PCDH9: variants seen among roughly 807,000 people sequenced by gnomAD.
PCDH9 encodes protocadherin-9.
In PCDH9, 24 loss-of-function variants were observed where a neutral mutation model predicts 70.6. The observed-to-expected ratio is 0.34, with a 90% CI of 0.25 to 0.48. The LOEUF (loss-of-function observed/expected upper bound fraction) is 0.48, where lower values mean the gene tolerates loss of function less well. Ranked by LOEUF, PCDH9 falls within the 20% of genes least tolerant of loss-of-function variation. The pLI is 0.99. For missense variants in PCDH9, 1,281 were observed against 1,503.6 expected (o/e 0.85, Z 2.45); for synonymous variants, 562 against 558.5 (o/e 1.01, Z -0.09).
chr13:66,822,129 C>G (rs1213708032), intron 3 of PCDH9, among the ~76,000 whole-genome samples: 2 of 40,040 alleles, frequency 5.0e-5, no homozygotes, highest in African/African-American at 7.8e-5. Context: ...TGACCCATCA[C>G]ACACGCGCAC....
chr13:66,895,503 T>C (rs2082162939), intron 3 of PCDH9, among the ~76,000 whole-genome samples: 1 of 152,232 alleles, frequency 6.6e-6, no homozygotes, highest in Non-Finnish European at 1.5e-5. Flanking sequence ...TTCATGACCA[T>C]GTTCTCTGCA....
intron 4 of PCDH9, among the ~76,000 whole-genome samples, chr13:66,454,463 A>G (rs1387337485): frequency 2.0e-5 from 3 of 152,172 alleles, no homozygotes; most frequent in South Asian, 2.1e-4. Flanking sequence ...CTCTCCAATC[A>G]TAGGGAATAT....
At chr13:66,669,852 G>A (rs527688953) in intron 3 of PCDH9, among the ~76,000 whole-genome samples, 1 of 152,104 alleles carries the variant, frequency 6.6e-6, no homozygotes, top group Non-Finnish European at 1.5e-5. Flanking sequence ...AAAACTAAAT[G>A]TGTTTTAACA....
chr13:66,496,283 T>A (rs1959115288), intron 4 of PCDH9, among the ~76,000 whole-genome samples: 1 of 152,230 alleles, frequency 6.6e-6, no homozygotes, highest in African/African-American at 2.4e-5. Context: ...TTGTCCACTA[T>A]ATCGAAACTA....
chr13:66,559,071 C>A (rs2210928), intron 4 of PCDH9, among the ~76,000 whole-genome samples: 126,091 of 152,104 alleles, frequency 0.83, 52,507 homozygotes, highest in East Asian at 1. Context: ...CTTAGTTTCT[C>A]TTGTGCAGTG....
intron 3 of PCDH9, among the ~76,000 whole-genome samples, chr13:66,687,574 T>G (rs2078422233): frequency 6.6e-6 from 1 of 152,150 alleles, no homozygotes; most frequent in African/African-American, 2.4e-5. Context: ...TCCAATTACC[T>G]ATTGGATAAC....
chr13:66,974,230 T>C (rs926541409), intron 2 of PCDH9, among the ~76,000 whole-genome samples: 1 of 151,946 alleles, frequency 6.6e-6, no homozygotes, highest in Admixed American at 6.6e-5. Flanking sequence ...CTACAATGCA[T>C]CCTCTCAACT....
chr13:66,791,946 CAT>C (rs2080170285), intron 3 of PCDH9, among the ~76,000 whole-genome samples: 1 of 152,038 alleles, frequency 6.6e-6, no homozygotes, highest in Non-Finnish European at 1.5e-5. Context: ...GAAGTCAATA[CAT>C]AGTTATTCCA....
intron 3 of PCDH9, among the ~76,000 whole-genome samples, chr13:66,873,384 TA>T (rs1401397783): frequency 6.6e-6 from 1 of 152,172 alleles, no homozygotes; most frequent in Non-Finnish European, 1.5e-5. Flanking sequence ...TAAGCATTCA[TA>T]GGGGAAGGAA....
rs971093155 is a variant in PCDH9, at chr13:66,956,774, T to C, written c.3037-53169A>G. Among the ~76,000 whole-genome samples the C allele has an allele frequency of 4.6e-5, 7 of 151,996 alleles. No homozygotes were observed. The East Asian group carries it at 1.4e-3, about 29-fold the overall frequency. ...CAAAAACAAACAAACAAAGTAGAAA[T>C]GTGACTATGTGTCATATCTCTAAGT... On this transcript the variant is annotated intron_variant, in intron 2 of 4. Transcript: ENST00000377865.
chr13:67,114,818 C>T (rs575388031), intron 2 of PCDH9, among the ~76,000 whole-genome samples: 31 of 152,266 alleles, frequency 2.0e-4, no homozygotes, highest in Admixed American at 4.6e-4. Context: ...TAGATAAAAA[C>T]AAAAGGAGAA....
intron 2 of PCDH9, among the ~76,000 whole-genome samples, chr13:66,988,736 T>C (rs2139791980): frequency 6.6e-6 from 1 of 152,118 alleles, no homozygotes; most frequent in East Asian, 1.9e-4. Flanking sequence ...TATTCTTATT[T>C]ATTTTTAATG....
chr13:66,717,336 C>T (rs1225261452), intron 3 of PCDH9, among the ~76,000 whole-genome samples: 1 of 149,550 alleles, frequency 6.7e-6, no homozygotes, highest in African/African-American at 2.5e-5. Flanking sequence ...CCTATAATCC[C>T]AGCTACTCAG....
At chr13:66,400,428 C>T (rs1329833769) in intron 4 of PCDH9, among the ~76,000 whole-genome samples, 2 of 152,148 alleles carry the variant, frequency 1.3e-5, no homozygotes, top group Non-Finnish European at 2.9e-5. Flanking sequence ...TATAATAAAT[C>T]TGTAAAAGCA....
At chr13:66,331,808 T>A (rs924946229) in intron 4 of PCDH9, among the ~76,000 whole-genome samples, 3 of 152,172 alleles carry the variant, frequency 2.0e-5, no homozygotes, top group African/African-American at 7.2e-5. Flanking sequence ...ACAAGTTCCT[T>A]GGCAAGAAAG....
intron 2 of PCDH9, among the ~76,000 whole-genome samples, chr13:66,987,216 T>C (rs2083910254): frequency 6.6e-6 from 1 of 152,092 alleles, no homozygotes; most frequent in Admixed American, 6.6e-5. Context: ...GTAATATGTA[T>C]ATTTTGAGCT....
At chr13:66,896,494 A>G (rs992473475) in intron 3 of PCDH9, among the ~76,000 whole-genome samples, 1 of 152,136 alleles carries the variant, frequency 6.6e-6, no homozygotes, top group Non-Finnish European at 1.5e-5. Flanking sequence ...GGATATTAAC[A>G]TTTACATACA....
chr13:66,604,325 GA>G (rs2077197168), intron 4 of PCDH9, among the ~76,000 whole-genome samples: 1 of 151,858 alleles, frequency 6.6e-6, no homozygotes, highest in Non-Finnish European at 1.5e-5. Flanking sequence ...ATTCTTCATA[GA>G]ATAAAAATAT....
chr13:66,951,025 T>G (rs1285840672), intron 2 of PCDH9, among the ~76,000 whole-genome samples: 2 of 152,294 alleles, frequency 1.3e-5, no homozygotes, highest in African/African-American at 4.8e-5. Flanking sequence ...GGATGAAATA[T>G]CTCCCATCCT....
Sources: allele counts gnomAD v4.1 joint callset (sites outside exome capture counted in the v4.1 genomes callset), GRCh38; gene constraint gnomAD v4.1.1; transcripts MANE v1.5; gene names NCBI Gene and HGNC (gene_info 2026-07-23, HGNC 2026-07-21).